NRG3: variants seen among roughly 807,000 people sequenced by gnomAD.
NRG3 encodes the protein neuregulin 3.
NRG3 carries 31 observed loss-of-function variants against 66.9 expected under a neutral mutation model. That is an observed-to-expected ratio of 0.46 (90% CI 0.35 to 0.63). NRG3 has a LOEUF of 0.63. Among genes scored for constraint, NRG3 ranks in the 20% least tolerant of loss-of-function variants. NRG3 has a pLI of 0.00. For synonymous variants in NRG3, 393 were observed against 359.4 expected (o/e 1.09, Z -1.06); for missense variants, 910 against 878.9 (o/e 1.04, Z -0.45).
intron 1 of NRG3, among the ~76,000 whole-genome samples, chr10:82,076,258 C>T (rs1232689315): frequency 2.0e-5 from 3 of 152,108 alleles, no homozygotes; most frequent in South Asian, 2.1e-4. Context: ...AACTGTGTCC[C>T]GCGTAACTGT....
At chr10:82,049,022 C>T (rs920401493) in intron 1 of NRG3, among the ~76,000 whole-genome samples, 1 of 152,156 alleles carries the variant, frequency 6.6e-6, no homozygotes, top group Non-Finnish European at 1.5e-5. Context: ...TTCCTCGACA[C>T]ATACACCCTC....
intron 1 of NRG3, among the ~76,000 whole-genome samples, chr10:82,151,792 T>G (rs1285395217): frequency 6.6e-6 from 1 of 152,206 alleles, no homozygotes; most frequent in African/African-American, 2.4e-5. Flanking sequence ...AAAAAAAGCA[T>G]GGTAGCGTAG....
At chr10:82,598,695 C>T (rs969635448) in intron 2 of NRG3, among the ~76,000 whole-genome samples, 2 of 152,152 alleles carry the variant, frequency 1.3e-5, no homozygotes, top group African/African-American at 2.4e-5. Context: ...GAAATACTGT[C>T]TCTGGTGACT....
At chr10:81,936,315 A>G (rs1013929017) in intron 1 of NRG3, among the ~76,000 whole-genome samples, 4 of 152,150 alleles carry the variant, frequency 2.6e-5, no homozygotes, top group African/African-American at 9.6e-5. Flanking sequence ...AGAAACAGTG[A>G]ACCAAACTGT....
At chr10:82,386,372 T>C (rs1414138990) in intron 2 of NRG3, among the ~76,000 whole-genome samples, 1 of 152,160 alleles carries the variant, frequency 6.6e-6, no homozygotes, top group African/African-American at 2.4e-5. Context: ...CATGGGTTTA[T>C]TTAGATATTA....
Position 82,517,991 on chromosome 10 carries a change from C to T in NRG3, c.953+159123C>T, listed in dbSNP as rs570793258. Among the ~76,000 whole-genome samples the T allele has an allele frequency of 1.8e-3, 278 of 152,184 alleles. 1 individual carries two copies. Among genetic ancestry groups the T allele is most frequent in the Non-Finnish European group, 3.4e-3 (228 of 67,998 alleles). ...CTCTGTCCTATGGGATAGATCTACG[C>T]GTATTTGGGGAAACACATTGGCCAG... On this transcript the variant is annotated intron_variant, in intron 2 of 8. Transcript: ENST00000372141.
At chr10:82,127,031 T>A (rs1417129346) in intron 1 of NRG3, among the ~76,000 whole-genome samples, 1 of 152,112 alleles carries the variant, frequency 6.6e-6, no homozygotes, top group Non-Finnish European at 1.5e-5. Flanking sequence ...TTGTTTTGAC[T>A]TGTTGTTCAA....
chr10:82,040,687 C>A (rs1297479877), intron 1 of NRG3, among the ~76,000 whole-genome samples: 1 of 151,792 alleles, frequency 6.6e-6, no homozygotes, highest in Non-Finnish European at 1.5e-5. Flanking sequence ...GTTGTCACAC[C>A]CTAGGAAGGG....
At chr10:82,905,410 A>G (rs1844638062) in intron 4 of NRG3, among the ~76,000 whole-genome samples, 1 of 152,084 alleles carries the variant, frequency 6.6e-6, no homozygotes, top group Non-Finnish European at 1.5e-5. Flanking sequence ...TCTTCATTCC[A>G]CCAGGTTACC....
intron 2 of NRG3, among the ~76,000 whole-genome samples, chr10:82,585,797 C>A (rs1012079013): frequency 2.0e-5 from 3 of 152,134 alleles, no homozygotes; most frequent in Non-Finnish European, 2.9e-5. Flanking sequence ...GCTTAGAAAA[C>A]ATACACTGAA....
chr10:82,608,770 C>T (rs1018219064), intron 2 of NRG3, among the ~76,000 whole-genome samples: 15 of 152,072 alleles, frequency 9.9e-5, no homozygotes, highest in Non-Finnish European at 1.8e-4. Flanking sequence ...CTTAAGGGTA[C>T]GCCTTGTTAA....
intron 1 of NRG3, among the ~76,000 whole-genome samples, chr10:82,207,820 C>T (rs372777102): frequency 4.6e-5 from 7 of 152,236 alleles, no homozygotes; most frequent in Admixed American, 2.0e-4. Flanking sequence ...AGCACAAGAA[C>T]GGCATGGGGA....
chr10:82,052,935 A>G (rs2063668150), intron 1 of NRG3, among the ~76,000 whole-genome samples: 1 of 152,162 alleles, frequency 6.6e-6, no homozygotes, highest in Non-Finnish European at 1.5e-5. Context: ...AAAATATGAA[A>G]CAAGCAAGCT....
intron 1 of NRG3, among the ~76,000 whole-genome samples, chr10:82,163,639 G>T (rs2132984976): frequency 6.6e-6 from 1 of 152,262 alleles, no homozygotes; most frequent in African/African-American, 2.4e-5. Context: ...TGGTTTAGAA[G>T]TGGTTAGAAA....
rs528357563 is a variant in NRG3, at chr10:82,360,068, C to T, written c.953+1200C>T. On this transcript the variant is annotated intron_variant, in intron 2 of 8. Coordinates refer to ENST00000372141, the MANE Select transcript of NRG3 (RefSeq NM_001010848.4). ...GACAAATAGAACTGTGACCTTTCCT[C>T]ACCCCTGACATGTGGTGTTCATATA... Among the ~76,000 whole-genome samples the T allele has an allele frequency of 2.0e-5, 3 of 152,300 alleles. No individual in the cohort carries two copies. In the South Asian group the frequency reaches 6.2e-4, roughly 32 times the overall value.
chr10:82,792,250 G>A (rs1419656282), intron 3 of NRG3, among the ~76,000 whole-genome samples: 1 of 152,126 alleles, frequency 6.6e-6, no homozygotes, highest in East Asian at 1.9e-4. Context: ...GTAATTAGAT[G>A]TTTGGAGGGA....
At chr10:82,330,568 T>C (rs2082094454) in intron 1 of NRG3, among the ~76,000 whole-genome samples, 1 of 152,198 alleles carries the variant, frequency 6.6e-6, no homozygotes, top group Non-Finnish European at 1.5e-5. Flanking sequence ...AATACAGATA[T>C]TTGAACAACA....
chr10:82,546,316 G>A (rs2043911687), intron 2 of NRG3, among the ~76,000 whole-genome samples: 1 of 151,910 alleles, frequency 6.6e-6, no homozygotes, highest in Non-Finnish European at 1.5e-5. Context: ...ATTAATAATT[G>A]CAATGTTAGG....
intron 1 of NRG3, among the ~76,000 whole-genome samples, chr10:82,031,700 G>A (rs768568911): frequency 4.6e-5 from 7 of 151,892 alleles, no homozygotes; most frequent in South Asian, 2.1e-4. Context: ...ATAAACAAAC[G>A]CACTTCTTGA....
Sources: gnomAD v4.1 joint callset for allele counts (sites outside exome capture counted in the v4.1 genomes callset) on GRCh38, gnomAD v4.1.1 for gene constraint, MANE v1.5 for transcripts, NCBI Gene and HGNC (gene_info 2026-07-23, HGNC 2026-07-21) for gene names.